ATP13A4: variants seen among roughly 807,000 people sequenced by gnomAD.
ATP13A4 encodes ATPase 13A4.
Under a neutral mutation model 142.5 loss-of-function variants are expected in ATP13A4, and 114 were observed. That is an observed-to-expected ratio of 0.80 (90% CI 0.69 to 0.93). ATP13A4 has a LOEUF of 0.93. ATP13A4 is among the 40% of genes least tolerant of loss of function. ATP13A4 has a pLI of 0.00. For missense variants in ATP13A4, 1,392 were observed against 1,454.0 expected (o/e 0.96, Z 0.69); for synonymous variants, 488 against 514.8 (o/e 0.95, Z 0.70).
chr3:193,531,070 A>G (rs1722286245), intron 1 of ATP13A4, among the ~76,000 whole-genome samples: 2 of 151,904 alleles, frequency 1.3e-5, no homozygotes, highest in South Asian at 4.2e-4. Context: ...ATCCATCAAG[A>G]TTCCTTTCAG....
chr3:193,496,451 G>A (rs138798454), intron 3 of ATP13A4, among the ~76,000 whole-genome samples: 7 of 152,234 alleles, frequency 4.6e-5, no homozygotes, highest in African/African-American at 9.6e-5. Flanking sequence ...CAACAAAGGC[G>A]CCAAGAACAC....
intron 12 of ATP13A4, 132 bp from the exon 13 acceptor site, chr3:193,462,955 G>A: frequency 3.5e-6 from 3 of 847,778 alleles, no homozygotes; most frequent in South Asian, 3.0e-5. Flanking sequence ...GACCAGCCTG[G>A]GCAACATAAT....
At chr3:193,584,922 T>C (rs1339774384) in intron 1 of ATP13A4, among the ~76,000 whole-genome samples, 1 of 152,182 alleles carries the variant, frequency 6.6e-6, no homozygotes, top group Non-Finnish European at 1.5e-5. Context: ...TATCATGATA[T>C]GGAATGTTCC....
Position 193,441,011 on chromosome 3 carries a change from C to A in ATP13A4, c.2440-374G>T, listed in dbSNP as rs111495526. 3.5e-3 allele frequency among the ~76,000 whole-genome samples: 522 copies of A among 150,246 alleles called. 1 individual carries two copies. The highest frequency in any genetic ancestry group is 5.7e-3 in the Non-Finnish European group (384 of 67,398). The stretch of plus-strand genomic sequence containing the variant: ...CTAAACTATCGATCTATCTCTCTCT[C>A]TCTCTCTATATATATATATCTAAAA... On this transcript the variant is annotated intron_variant, in intron 20 of 29. Transcript: ENST00000342695.
At chr3:193,454,393 G>A (rs535789020) in intron 16 of ATP13A4, among the ~76,000 whole-genome samples, 181 bp from the exon 17 acceptor site, 1 of 152,176 alleles carries the variant, frequency 6.6e-6, no homozygotes, top group South Asian at 2.1e-4. Flanking sequence ...TTCAGATGTA[G>A]TGAAGCTAAA....
intron 25 of ATP13A4, among the ~76,000 whole-genome samples, chr3:193,420,687 A>G (rs1715361497): frequency 6.7e-6 from 1 of 149,768 alleles, no homozygotes; most frequent in Non-Finnish European, 1.5e-5. Flanking sequence ...AATTTAAATG[A>G]GAAACTTAAC....
rs1222576477 is a variant in ATP13A4 at position 193,401,216 on chromosome 3, A to G, written c.*1436T>C. 6.6e-6 allele frequency among the ~76,000 whole-genome samples: 1 copy of G among 152,176 alleles called. No individual in the cohort carries two copies. The highest frequency in any genetic ancestry group is 1.5e-5 in the Non-Finnish European group (1 of 68,020). On this transcript the variant is annotated 3_prime_UTR_variant, in exon 30 of 30. Coordinates refer to ENST00000342695, the MANE Select transcript of ATP13A4 (RefSeq NM_032279.4). Reference sequence around the variant, plus strand: ...ACCTAGGATTTGATGCTCATAATACAAATTTTGCTTTTGCCTTAAAATATT... The same window carrying G: ...ACCTAGGATTTGATGCTCATAATACGAATTTTGCTTTTGCCTTAAAATATT...
chr3:193,437,835 T>TC (rs1186450753), intron 23 of ATP13A4, among the ~76,000 whole-genome samples: 1 of 146,800 alleles, frequency 6.8e-6, no homozygotes, highest in African/African-American at 2.6e-5. Context: ...ATTTTTTTTT[T>TC]TTTTTTTTTT....
chr3:193,476,035 T>C (rs904621926), intron 8 of ATP13A4, among the ~76,000 whole-genome samples: 1 of 151,974 alleles, frequency 6.6e-6, no homozygotes, highest in Non-Finnish European at 1.5e-5. Flanking sequence ...AAAAAGCCCA[T>C]AGTGCTAAAC....
At chr3:193,474,570 A>G (rs183048069) in intron 8 of ATP13A4, among the ~76,000 whole-genome samples, 10 of 149,666 alleles carry the variant, frequency 6.7e-5, no homozygotes, top group Admixed American at 3.3e-4. Flanking sequence ...AGAGAGAGAG[A>G]AAGAAGGAAA....
intron 8 of ATP13A4, among the ~76,000 whole-genome samples, chr3:193,480,185 T>G (rs561255656): frequency 1.3e-5 from 2 of 152,188 alleles, no homozygotes; most frequent in Non-Finnish European, 1.5e-5. Context: ...AGAAAAACTC[T>G]TCTAGACATT....
intron 23 of ATP13A4, among the ~76,000 whole-genome samples, chr3:193,436,219 T>C (rs1716259249): frequency 6.6e-6 from 1 of 152,226 alleles, no homozygotes; most frequent in Non-Finnish European, 1.5e-5. Flanking sequence ...AATTTCATTT[T>C]GGCAGTCCCA....
Position 193,493,139 on chromosome 3 carries a change from T to C in ATP13A4, c.403A>G (p.Lys135Glu), listed in dbSNP as rs1720036012. The C allele has an allele frequency of 6.2e-7, 1 of 1,613,098 alleles. No individual in the cohort carries two copies. The highest frequency in any genetic ancestry group is 1.3e-5 in the African/African-American group (1 of 75,042). Reference protein sequence around the residue: ...DLKVRCIKVQKIRYVWNYLEG... With the variant: ...DLKVRCIKVQEIRYVWNYLEG... ...AAGTAGTTCCAAACATATCTTATTT[T>C]CTGCACTTTGATGCATCTCACCTGC... The change falls in exon 4 of 30, where the codon AAA becomes GAA. Residue 135 changes from lysine (K) to glutamate (E), a missense_variant. Physicochemically the swap from Lys to Glu is moderately conservative, Grantham distance 56. Transcript: ENST00000342695.
At chr3:193,446,631 A>G (rs1269538223) in intron 18 of ATP13A4, among the ~76,000 whole-genome samples, 3 of 152,238 alleles carry the variant, frequency 2.0e-5, no homozygotes, top group African/African-American at 4.8e-5. Context: ...GTTTTATCAT[A>G]TGTATAACAT....
chr3:193,561,279 C>A (rs1340675087), intron 2 of ATP13A4, among the ~76,000 whole-genome samples: 2 of 152,194 alleles, frequency 1.3e-5, no homozygotes, highest in African/African-American at 4.8e-5. Flanking sequence ...CCTGGGATGA[C>A]CCAGGAACTG....
At chr3:193,481,583 T>C (rs919388701) in intron 8 of ATP13A4, among the ~76,000 whole-genome samples, 1 of 152,192 alleles carries the variant, frequency 6.6e-6, no homozygotes, top group Non-Finnish European at 1.5e-5. Context: ...GAGCTACATT[T>C]TAAGTGTGTG....
intron 3 of ATP13A4, 109 bp downstream of exon 3, chr3:193,502,384 A>G: frequency 1.5e-6 from 2 of 1,305,340 alleles, no homozygotes; most frequent in Non-Finnish European, 2.2e-6. Context: ...TTTTAAATAT[A>G]CACTATCAAA....
chr3:193,423,141 A>C (rs1715486492), intron 25 of ATP13A4, among the ~76,000 whole-genome samples: 1 of 149,958 alleles, frequency 6.7e-6, no homozygotes, highest in Non-Finnish European at 1.5e-5. Flanking sequence ...CTGGACACAT[A>C]CAACCTACCA....
intron 19 of ATP13A4, 97 bp downstream of exon 19, chr3:193,442,296 A>G (rs1018750222): frequency 7.7e-7 from 1 of 1,293,218 alleles, no homozygotes. Context: ...AATGCTAGAC[A>G]TTTGGAAGCA....
Sources: allele counts gnomAD v4.1 joint callset (sites outside exome capture counted in the v4.1 genomes callset), GRCh38; gene constraint gnomAD v4.1.1; transcripts MANE v1.5; gene names NCBI Gene and HGNC (gene_info 2026-07-23, HGNC 2026-07-21).